HPSE2: variants seen among roughly 807,000 people sequenced by gnomAD.
The protein encoded by HPSE2 is inactive heparanase-2.
Under a neutral mutation model 60.5 loss-of-function variants are expected in HPSE2, and 38 were observed. The observed-to-expected ratio is 0.63, with a 90% confidence interval of 0.48 to 0.82. HPSE2 has a LOEUF of 0.82. Among genes scored for constraint, HPSE2 ranks in the 40% least tolerant of loss-of-function variants. HPSE2 has a pLI of 0.00. For missense variants in HPSE2, 713 were observed against 740.4 expected (o/e 0.96, Z 0.43); for synonymous variants, 295 against 293.2 (o/e 1.01, Z -0.06).
intron 2 of HPSE2, among the ~76,000 whole-genome samples, chr10:99,227,181 A>G (rs1320298165): frequency 6.6e-6 from 1 of 152,126 alleles, no homozygotes; most frequent in Non-Finnish European, 1.5e-5. Flanking sequence ...AAAAGAGAAT[A>G]ATAATAGTTA....
chr10:98,640,359 A>C (rs1340783385), intron 7 of HPSE2, among the ~76,000 whole-genome samples: 1 of 152,238 alleles, frequency 6.6e-6, no homozygotes, highest in Non-Finnish European at 1.5e-5. Context: ...GTGACAGATA[A>C]GGGTGCTGGC....
intron 2 of HPSE2, among the ~76,000 whole-genome samples, chr10:99,172,697 G>C (rs968007459): frequency 6.6e-6 from 1 of 152,160 alleles, no homozygotes; most frequent in Admixed American, 6.5e-5. Context: ...GGCCAACGCG[G>C]TGAAAACCTG....
At chr10:98,970,259 G>A (rs965446442) in intron 3 of HPSE2, among the ~76,000 whole-genome samples, 7 of 151,900 alleles carry the variant, frequency 4.6e-5, no homozygotes, top group South Asian at 2.1e-4. Flanking sequence ...CACCACGCCC[G>A]GCCTGTCACC....
intron 6 of HPSE2, among the ~76,000 whole-genome samples, chr10:98,651,815 C>T (rs1946924561): frequency 6.6e-6 from 1 of 151,638 alleles, no homozygotes; most frequent in South Asian, 2.1e-4. Flanking sequence ...CTCTGTCACC[C>T]AGGCTGGAGT....
At chr10:98,983,670 G>C (rs1236108007) in intron 3 of HPSE2, among the ~76,000 whole-genome samples, 2 of 152,012 alleles carry the variant, frequency 1.3e-5, no homozygotes, top group Admixed American at 6.6e-5. Context: ...CTCAAACTTC[G>C]GCGTGAGCCA....
intron 3 of HPSE2, among the ~76,000 whole-genome samples, chr10:99,055,893 A>T (rs1388966658): frequency 1.3e-5 from 2 of 152,148 alleles, no homozygotes; most frequent in East Asian, 3.8e-4. Context: ...AAAATCAATT[A>T]TCTAAATCTC....
chr10:98,606,175 CAATA>C (rs1438273500), intron 9 of HPSE2, among the ~76,000 whole-genome samples: 1 of 152,052 alleles, frequency 6.6e-6, no homozygotes, highest in Non-Finnish European at 1.5e-5. Context: ...ACTAGGTACT[CAATA>C]AATAGTTGTC....
intron 2 of HPSE2, among the ~76,000 whole-genome samples, chr10:99,197,964 G>A (rs1276311720): frequency 1.3e-5 from 2 of 151,876 alleles, no homozygotes; most frequent in South Asian, 2.1e-4. Flanking sequence ...CCAGCAACTC[G>A]GGAGGCTGAG....
At chr10:98,732,642 T>C (rs1047413913) in intron 4 of HPSE2, among the ~76,000 whole-genome samples, 1 of 152,090 alleles carries the variant, frequency 6.6e-6, no homozygotes, top group African/African-American at 2.4e-5. Context: ...TCCTAATAGA[T>C]TTAGGGCCAA....
At chr10:98,707,678 T>C (rs1295054139) in intron 5 of HPSE2, among the ~76,000 whole-genome samples, 1 of 152,198 alleles carries the variant, frequency 6.6e-6, no homozygotes, top group Non-Finnish European at 1.5e-5. Context: ...AGTAGAATAG[T>C]ATATAGTTTA....
At chr10:98,590,666 A>G (rs1945065624) in intron 9 of HPSE2, among the ~76,000 whole-genome samples, 1 of 152,158 alleles carries the variant, frequency 6.6e-6, no homozygotes, top group Non-Finnish European at 1.5e-5. Flanking sequence ...CCAGGATTAG[A>G]TACACCCAGG....
At chr10:98,595,570 G>A (rs749927383) in intron 9 of HPSE2, among the ~76,000 whole-genome samples, 5 of 152,056 alleles carry the variant, frequency 3.3e-5, no homozygotes, top group Non-Finnish European at 5.9e-5. Flanking sequence ...CAATTTTACT[G>A]AATCAATTTA....
intron 3 of HPSE2, among the ~76,000 whole-genome samples, chr10:98,997,187 A>G (rs1212814941): frequency 1.4e-5 from 2 of 138,456 alleles, no homozygotes; most frequent in African/African-American, 2.7e-5. Context: ...ATCTCAGCTC[A>G]CTGCAACCTC....
intron 5 of HPSE2, among the ~76,000 whole-genome samples, chr10:98,699,247 A>G (rs1948330403): frequency 6.6e-6 from 1 of 152,128 alleles, no homozygotes; most frequent in African/African-American, 2.4e-5. Context: ...CCTCAATAAA[A>G]TACTGGCAAA....
intron 3 of HPSE2, among the ~76,000 whole-genome samples, chr10:98,763,641 G>GT (rs1484458844): frequency 3.9e-5 from 6 of 151,924 alleles, no homozygotes; most frequent in East Asian, 3.9e-4. Context: ...AGAAAAGAGG[G>GT]TTTTTTTCTT....
chr10:99,001,990 T>A (rs189982147), intron 3 of HPSE2, among the ~76,000 whole-genome samples: 1 of 151,960 alleles, frequency 6.6e-6, no homozygotes, highest in African/African-American at 2.4e-5. Flanking sequence ...AAAGAATATA[T>A]AAGATAATAA....
rs1041022997 is a variant in HPSE2, at chr10:99,158,747, TA to T, written c.449-14349del. ...TGTACCCTAAAACTTAAAGTATAAT[TA>T]AAAAAAAAAAGAAAACAACTGAAAA... On this transcript the variant is annotated intron_variant, in intron 2 of 11. Coordinates refer to ENST00000370552, the MANE Select transcript of HPSE2 (RefSeq NM_021828.5). 5.0e-3 allele frequency among the ~76,000 whole-genome samples: 707 copies of T among 142,366 alleles called. 5 individuals are homozygous for T. Among genetic ancestry groups the T allele is most frequent in the Middle Eastern group, 0.025 (7 of 280 alleles). 93.4% of individuals were successfully genotyped at this position (142,366 alleles called of 152,430 possible). A position where few individuals can be genotyped will look rare whatever the true frequency, so the allele number is the denominator to read the frequency against.
chr10:99,286,802 C>G, the HPSE2 span, among the ~76,000 whole-genome samples: 2 of 152,084 alleles, frequency 1.3e-5, no homozygotes, highest in African/African-American at 2.4e-5. Context: ...ACCAGTATTC[C>G]TTGAGTACTG....
intron 9 of HPSE2, among the ~76,000 whole-genome samples, chr10:98,594,701 C>G (rs533808727): frequency 6.6e-6 from 1 of 152,102 alleles, no homozygotes; most frequent in Middle Eastern, 3.2e-3. Context: ...ATCCATTCAT[C>G]TGTTGATGGA....
Sources: allele counts gnomAD v4.1 joint callset (sites outside exome capture counted in the v4.1 genomes callset), GRCh38; gene constraint gnomAD v4.1.1; transcripts MANE v1.5; gene names NCBI Gene and HGNC (gene_info 2026-07-23, HGNC 2026-07-21).